AKAP6: variants seen among roughly 807,000 people sequenced by gnomAD.
The protein encoded by AKAP6 is A-kinase anchoring protein 6.
A neutral mutation model predicts 188.5 loss-of-function variants in AKAP6; 58 were observed. The observed-to-expected ratio is 0.31, with a 90% CI of 0.25 to 0.38. The LOEUF (loss-of-function observed/expected upper bound fraction) is 0.38. Among genes scored for constraint, AKAP6 ranks in the 10% least tolerant of loss-of-function variants. AKAP6 has a pLI of 1.00. For synonymous variants in AKAP6, 989 were observed against 998.6 expected, an observed-to-expected ratio of 0.99 and a Z score of 0.18; for missense variants, 2,710 against 2,740.0, an observed-to-expected ratio of 0.99 and a Z score of 0.24.
In AKAP6 at chr14:32,831,207, TTA is replaced by T. The variant is rs770073863; in HGVS notation, c.*1406_*1407del. ...TATTATTTATAGATTTCAGGTATAT[TTA>T]TATGTGTAAAAGAAATTGACAAAGA... On this transcript the variant is annotated 3_prime_UTR_variant, in exon 14 of 14. Coordinates refer to ENST00000280979, the MANE Select transcript of AKAP6 (RefSeq NM_004274.5). 3.3e-5 allele frequency: 5 copies of T among 152,262 alleles called. No individual in the cohort carries two copies. Among genetic ancestry groups the T allele is most frequent in the Admixed American group, 6.5e-5 (1 of 15,292 alleles). 9.4% of individuals were successfully genotyped at this position (152,262 alleles called of 1,614,324 possible).
intron 12 of AKAP6, among the ~76,000 whole-genome samples, chr14:32,785,445 A>T (rs1275348573): frequency 2.0e-5 from 3 of 152,234 alleles, no homozygotes; most frequent in African/African-American, 4.8e-5. Flanking sequence ...TTTGGATAAC[A>T]TCATCATATA....
intron 12 of AKAP6, among the ~76,000 whole-genome samples, chr14:32,811,197 C>T (rs1367017864): frequency 1.5e-5 from 2 of 135,296 alleles, no homozygotes; most frequent in Non-Finnish European, 3.1e-5. Flanking sequence ...CGAGATTGCG[C>T]CACTGCACTC....
chr14:32,336,808 G>A (rs73254627), intron 1 of AKAP6, among the ~76,000 whole-genome samples: 1,955 of 152,052 alleles, frequency 0.013, 46 homozygotes, highest in African/African-American at 0.045. Context: ...ACTCCACCTC[G>A]TCTCTTATCA....
intron 2 of AKAP6, among the ~76,000 whole-genome samples, chr14:32,482,987 G>GTATA (rs1408908916): frequency 2.8e-3 from 215 of 75,462 alleles, no homozygotes; most frequent in South Asian, 9.2e-3. Flanking sequence ...GTGTGTGTGT[G>GTATA]TGTATATATA....
At chr14:32,454,069 G>A (rs1325414919) in intron 2 of AKAP6, among the ~76,000 whole-genome samples, 1 of 152,238 alleles carries the variant, frequency 6.6e-6, no homozygotes, top group Non-Finnish European at 1.5e-5. Flanking sequence ...AAGAAACCAT[G>A]AGTACGGATG....
rs1347257252 is a variant in AKAP6 at position 32,732,973 on chromosome 14, A to G, written c.3147+373A>G. Reference sequence around the variant, plus strand: ...TATTCTGAAGGTACATGTGAGAGACATCTACTGTTTAACTATTTACTGTAC... The same window carrying G: ...TATTCTGAAGGTACATGTGAGAGACGTCTACTGTTTAACTATTTACTGTAC... On this transcript the variant is annotated intron_variant, in intron 10 of 13. Coordinates refer to ENST00000280979, the MANE Select transcript of AKAP6 (RefSeq NM_004274.5). The G allele has an allele frequency of 1.1e-5, 4 of 365,274 alleles. No homozygotes were observed. The East Asian group carries it at 1.4e-4, about 13-fold the overall frequency. The allele number at this position is 365,274 out of a possible 1,614,324, so 22.6% of individuals were successfully genotyped here.
In AKAP6 at chr14:32,568,436, T is replaced by C. The variant is rs1884303592; in HGVS notation, c.2347-8684T>C. Among the ~76,000 whole-genome samples the C allele has an allele frequency of 6.6e-6, 1 of 152,186 alleles. No homozygotes were observed. The highest frequency in any genetic ancestry group is 2.4e-5 in the African/African-American group (1 of 41,444). ...AGGATAGATGGTAGATGTACCTAAA[T>C]GTTAAATATTGTTAATTATAATACT... On this transcript the variant is annotated intron_variant, in intron 4 of 13. Transcript: ENST00000280979. The surrounding 1 kb of genome is among the most constrained non-coding windows in gnomAD (Gnocchi z 6.2).
At chr14:32,366,000 CT>C (rs1219574658) in intron 1 of AKAP6, among the ~76,000 whole-genome samples, 2 of 152,188 alleles carry the variant, frequency 1.3e-5, no homozygotes, top group African/African-American at 4.8e-5. Flanking sequence ...ACCTCTCTTT[CT>C]CTTTATTAGT....
At chr14:32,736,356 T>G (rs1172955283) in intron 11 of AKAP6, among the ~76,000 whole-genome samples, 2 of 152,180 alleles carry the variant, frequency 1.3e-5, no homozygotes, top group African/African-American at 4.8e-5. Flanking sequence ...AGAAATAATG[T>G]AAAACAAGTT....
chr14:32,754,303 C>A (rs1162399797), intron 11 of AKAP6, among the ~76,000 whole-genome samples: 1 of 152,000 alleles, frequency 6.6e-6, no homozygotes, highest in Non-Finnish European at 1.5e-5. Context: ...AGTATAGCCA[C>A]CCTGCTCTCT....
At chr14:32,517,916 C>T (rs550536849) in intron 2 of AKAP6, among the ~76,000 whole-genome samples, 1 of 152,310 alleles carries the variant, frequency 6.6e-6, no homozygotes, top group East Asian at 1.9e-4. Flanking sequence ...TCCCTGACGC[C>T]CGAGTAGCCT....
intron 1 of AKAP6, among the ~76,000 whole-genome samples, chr14:32,376,927 G>T (rs894067998): frequency 6.6e-6 from 1 of 152,090 alleles, no homozygotes; most frequent in Non-Finnish European, 1.5e-5. Flanking sequence ...ACTCCTGACC[G>T]CATGTGATCC....
chr14:32,599,651 G>T (rs1247159696), intron 6 of AKAP6, 145 bp downstream of exon 6: 1 of 597,678 alleles, frequency 1.7e-6, no homozygotes. Context: ...ATTTATAAAT[G>T]TTTCATATAC....
chr14:32,530,880 TAAAAAACAAAAAAC>T (rs201899691), intron 2 of AKAP6, among the ~76,000 whole-genome samples: 138 of 151,768 alleles, frequency 9.1e-4, no homozygotes, highest in East Asian at 2.5e-3. Flanking sequence ...CAACCCAATT[TAAAAAACAAAAAAC>T]AAAAAACAAA....
At chr14:32,649,412 T>C (rs1888116768) in intron 7 of AKAP6, among the ~76,000 whole-genome samples, 1 of 152,192 alleles carries the variant, frequency 6.6e-6, no homozygotes, top group Non-Finnish European at 1.5e-5. Flanking sequence ...TCCTATTATG[T>C]ATGCCGATTG....
chr14:32,642,077 A>T (rs556119733), intron 7 of AKAP6, among the ~76,000 whole-genome samples: 1 of 152,328 alleles, frequency 6.6e-6, no homozygotes, highest in South Asian at 2.1e-4. Context: ...ATTCCACAAG[A>T]TAAAAGGCTA....
chr14:32,660,432 G>A (rs1212603486), intron 7 of AKAP6, among the ~76,000 whole-genome samples: 1 of 152,098 alleles, frequency 6.6e-6, no homozygotes, highest in Non-Finnish European at 1.5e-5. Flanking sequence ...GGGTATGCTG[G>A]GTTGTTCCTA....
intron 1 of AKAP6, among the ~76,000 whole-genome samples, chr14:32,385,998 TATG>T (rs202089636): frequency 1.3e-5 from 2 of 149,958 alleles, no homozygotes; most frequent in East Asian, 1.9e-4. Context: ...ATATTCATCA[TATG>T]TATCTATATC....
At chr14:32,617,986 A>G (rs1886654306) in intron 7 of AKAP6, among the ~76,000 whole-genome samples, 1 of 151,940 alleles carries the variant, frequency 6.6e-6, no homozygotes, top group Non-Finnish European at 1.5e-5. Flanking sequence ...GAGTTGATTC[A>G]TACTCTTTGA....
Sources: gnomAD v4.1 joint callset for allele counts (sites outside exome capture counted in the v4.1 genomes callset) on GRCh38, gnomAD v4.1.1 for gene constraint, Gnocchi (gnomAD v3.1) non-coding constraint, MANE v1.5 for transcripts, NCBI Gene and HGNC (gene_info 2026-07-23, HGNC 2026-07-21) for gene names.